CNTN5: variants seen among roughly 807,000 people sequenced by gnomAD.
CNTN5 encodes the protein contactin-5.
A neutral mutation model predicts 129.1 loss-of-function variants in CNTN5; 77 were observed. That is an observed-to-expected ratio of 0.60 (90% CI 0.50 to 0.72). The LOEUF is 0.72. Among genes scored for constraint, CNTN5 ranks in the 30% least tolerant of loss-of-function variants. CNTN5 has a pLI of 0.00. For synonymous variants in CNTN5, 509 were observed against 465.6 expected (o/e 1.09, Z -1.20); for missense variants, 1,478 against 1,328.8 (o/e 1.11, Z -1.75).
At chr11:99,146,881 C>G (rs1244651140) in intron 1 of CNTN5, among the ~76,000 whole-genome samples, 1 of 152,034 alleles carries the variant, frequency 6.6e-6, no homozygotes, top group African/African-American at 2.4e-5. Context: ...GCCACCACAT[C>G]TAGCTAATTT....
chr11:99,253,325 T>A (rs1001505990), intron 1 of CNTN5, among the ~76,000 whole-genome samples: 1 of 152,064 alleles, frequency 6.6e-6, no homozygotes, highest in African/African-American at 2.4e-5. Context: ...ATCCATTAAA[T>A]CTCTTTCCTT....
intron 9 of CNTN5, among the ~76,000 whole-genome samples, chr11:100,039,851 A>T (rs1044871693): frequency 1.3e-5 from 2 of 152,056 alleles, no homozygotes; most frequent in South Asian, 4.1e-4. Flanking sequence ...TGCATTGGTT[A>T]TCCTGGTTAT....
intron 1 of CNTN5, among the ~76,000 whole-genome samples, chr11:99,319,142 C>T (rs139650613): frequency 6.6e-6 from 1 of 152,228 alleles, no homozygotes; most frequent in Non-Finnish European, 1.5e-5. Context: ...TGGGTTGAAG[C>T]TTAAATGGGT....
At chr11:99,043,464 A>G (rs1382322631) in intron 1 of CNTN5, among the ~76,000 whole-genome samples, 2 of 152,090 alleles carry the variant, frequency 1.3e-5, no homozygotes, top group South Asian at 2.1e-4. Flanking sequence ...AACTTGCACA[A>G]TCAAAGATCT....
intron 17 of CNTN5, among the ~76,000 whole-genome samples, chr11:100,259,739 GA>G (rs1412863957): frequency 2.0e-5 from 3 of 152,002 alleles, no homozygotes; most frequent in Non-Finnish European, 4.4e-5. Context: ...TAAGTTCTTT[GA>G]AATCAATGAG....
rs777542975 is a variant in CNTN5, at chr11:100,187,853, A to G, written c.1581-3273A>G. The stretch of plus-strand genomic sequence containing the variant: ...TAAGAATCCTAGAAGAAAAACTAGG[A>G]AACATCATTCTGGACATTGGCCTTG... On this transcript the variant is annotated intron_variant, in intron 13 of 24. Coordinates refer to ENST00000524871, the MANE Select transcript of CNTN5 (RefSeq NM_014361.4). Among the ~76,000 whole-genome samples the G allele has an allele frequency of 8.6e-4, 131 of 152,202 alleles. 3 individuals are homozygous for G. The highest frequency in any genetic ancestry group is 1.6e-4 in the Non-Finnish European group (11 of 68,034).
At chr11:99,449,110 C>T (rs1260806941) in intron 2 of CNTN5, among the ~76,000 whole-genome samples, 6 of 152,056 alleles carry the variant, frequency 3.9e-5, no homozygotes, top group Non-Finnish European at 2.9e-5. Flanking sequence ...CAATTCTCAA[C>T]TACCTAGCAT....
intron 2 of CNTN5, among the ~76,000 whole-genome samples, chr11:99,408,350 C>G (rs1385729970): frequency 7.0e-6 from 1 of 143,826 alleles, no homozygotes; most frequent in African/African-American, 2.6e-5. Context: ...CCAGCACATG[C>G]CACTACACCA....
At chr11:99,178,372 T>TTAG (rs1223646876) in intron 1 of CNTN5, among the ~76,000 whole-genome samples, 1 of 115,526 alleles carries the variant, frequency 8.7e-6, no homozygotes, top group African/African-American at 3.3e-5. Flanking sequence ...ACACACAAAA[T>TTAG]TAGCCAGGTG....
At chr11:99,574,859 A>T (rs963677811) in intron 3 of CNTN5, among the ~76,000 whole-genome samples, 1 of 152,028 alleles carries the variant, frequency 6.6e-6, no homozygotes, top group African/African-American at 2.4e-5. Flanking sequence ...CCCACTCCGT[A>T]GGTTGTCTGT....
At chr11:99,322,810 T>A (rs1418982649) in intron 1 of CNTN5, among the ~76,000 whole-genome samples, 1 of 151,972 alleles carries the variant, frequency 6.6e-6, no homozygotes, top group African/African-American at 2.4e-5. Context: ...AAAAAGAAAA[T>A]AAGAATATCA....
intron 13 of CNTN5, among the ~76,000 whole-genome samples, chr11:100,086,631 C>T (rs2137964933): frequency 6.6e-6 from 1 of 151,202 alleles, no homozygotes; most frequent in South Asian, 2.1e-4. Flanking sequence ...TCAGAAATTA[C>T]TGTAAATACC....
intron 1 of CNTN5, among the ~76,000 whole-genome samples, chr11:99,206,954 C>A (rs907566200): frequency 2.0e-5 from 3 of 151,964 alleles, no homozygotes; most frequent in African/African-American, 4.8e-5. Context: ...CAAATTACTG[C>A]CATCTATGAA....
At chr11:99,191,396 G>A (rs536131256) in intron 1 of CNTN5, among the ~76,000 whole-genome samples, 2 of 151,766 alleles carry the variant, frequency 1.3e-5, no homozygotes, top group Admixed American at 6.6e-5. Context: ...GGAAGAGTTT[G>A]AGAGAGAGTG....
At chr11:99,685,649 T>A (rs1953758715) in intron 3 of CNTN5, among the ~76,000 whole-genome samples, 1 of 152,050 alleles carries the variant, frequency 6.6e-6, no homozygotes, top group Non-Finnish European at 1.5e-5. Context: ...ATAGCATAGA[T>A]AAGCAAGCTT....
intron 1 of CNTN5, among the ~76,000 whole-genome samples, chr11:99,022,061 A>G (rs1401148368): frequency 6.6e-6 from 1 of 152,176 alleles, no homozygotes; most frequent in Non-Finnish European, 1.5e-5. Flanking sequence ...GAAAAATACA[A>G]TTTCATGTGG....
At chr11:99,408,281 C>T (rs1222458965) in intron 2 of CNTN5, among the ~76,000 whole-genome samples, 4 of 149,152 alleles carry the variant, frequency 2.7e-5, no homozygotes, top group Non-Finnish European at 4.4e-5. Context: ...TGCAGTGGTG[C>T]GATCATAGCT....
At chr11:99,501,395 GA>G (rs1946422049) in intron 2 of CNTN5, among the ~76,000 whole-genome samples, 1 of 152,196 alleles carries the variant, frequency 6.6e-6, no homozygotes, top group African/African-American at 2.4e-5. Flanking sequence ...AATAACCCTA[GA>G]TTTGTTTAAC....
chr11:99,780,121 T>C lies in CNTN5; in HGVS notation c.56-39423T>C, dbSNP rs560552344. 6.4e-4 allele frequency among the ~76,000 whole-genome samples: 98 copies of C among 152,090 alleles called. 1 individual carries two copies. Among genetic ancestry groups the C allele is most frequent in the Non-Finnish European group, 1.2e-3 (82 of 68,012 alleles). On this transcript the variant is annotated intron_variant, in intron 3 of 24. Coordinates refer to ENST00000524871, the MANE Select transcript of CNTN5 (RefSeq NM_014361.4). ...TGGCAACGTTGCCTCTTCTCTTGCCTAGCAGATAAACTACTGGTAGTTTCT... is the reference window on the plus strand; with the variant it reads ...TGGCAACGTTGCCTCTTCTCTTGCCCAGCAGATAAACTACTGGTAGTTTCT...
Sources: allele counts gnomAD v4.1 joint callset (sites outside exome capture counted in the v4.1 genomes callset), GRCh38; gene constraint gnomAD v4.1.1; transcripts MANE v1.5; gene names NCBI Gene and HGNC (gene_info 2026-07-23, HGNC 2026-07-21).